SNTG1: variants seen among roughly 807,000 people sequenced by gnomAD.
SNTG1 encodes the protein gamma-1-syntrophin.
Under a neutral mutation model 74.7 loss-of-function variants are expected in SNTG1, and 39 were observed. The observed-to-expected ratio is 0.52, with a 90% CI of 0.40 to 0.68. The LOEUF is 0.68. SNTG1 is among the 30% of genes least tolerant of loss of function. The pLI, the probability that SNTG1 is intolerant of heterozygous loss-of-function variation, is 0.00. For missense variants in SNTG1, 685 were observed against 609.5 expected (o/e 1.12, Z -1.30); for synonymous variants, 254 against 217.1 (o/e 1.17, Z -1.49).
chr8:49,935,532 A>G (rs1808000145), intron 1 of SNTG1, among the ~76,000 whole-genome samples: 1 of 151,576 alleles, frequency 6.6e-6, no homozygotes, highest in African/African-American at 2.4e-5. Context: ...CCAAAAAAAA[A>G]AAAAAAAGAA....
chr8:49,948,231 T>A (rs2129387050), intron 1 of SNTG1, among the ~76,000 whole-genome samples: 1 of 152,346 alleles, frequency 6.6e-6, no homozygotes, highest in East Asian at 1.9e-4. Context: ...CCACAGAGAC[T>A]GATATTTTAA....
intron 2 of SNTG1, among the ~76,000 whole-genome samples, chr8:50,299,775 G>A (rs2089561798): frequency 6.6e-6 from 1 of 151,998 alleles, no homozygotes; most frequent in Non-Finnish European, 1.5e-5. Context: ...CCTATTTCAA[G>A]GGCTCAGTAG....
At chr8:50,398,279 C>A (rs773988807) in intron 3 of SNTG1, among the ~76,000 whole-genome samples, 3 of 152,224 alleles carry the variant, frequency 2.0e-5, no homozygotes, top group African/African-American at 7.2e-5. Context: ...TCTCCCTTAC[C>A]GTCCACCATC....
At chr8:50,020,584 A>G in intron 1 of SNTG1, among the ~76,000 whole-genome samples, 1 of 152,168 alleles carries the variant, frequency 6.6e-6, no homozygotes, top group Admixed American at 6.6e-5. Flanking sequence ...ATTTAGGCAC[A>G]TCATTAATCT....
intron 2 of SNTG1, among the ~76,000 whole-genome samples, chr8:50,294,227 T>C (rs1418741676): frequency 6.6e-6 from 1 of 152,160 alleles, no homozygotes; most frequent in Non-Finnish European, 1.5e-5. Flanking sequence ...CAAGTAAAAA[T>C]GTCAAATAGA....
At chr8:49,917,288 A>T (rs1806133278) in intron 1 of SNTG1, among the ~76,000 whole-genome samples, 1 of 152,164 alleles carries the variant, frequency 6.6e-6, no homozygotes, top group African/African-American at 2.4e-5. Flanking sequence ...GAGAAAATAA[A>T]CAATGTCTAT....
chr8:50,336,968 A>G (rs1016010497), intron 2 of SNTG1, among the ~76,000 whole-genome samples: 4 of 152,210 alleles, frequency 2.6e-5, no homozygotes, highest in Non-Finnish European at 5.9e-5. Flanking sequence ...TTTTATTTCT[A>G]TATATTATGT....
intron 1 of SNTG1, among the ~76,000 whole-genome samples, chr8:50,051,330 G>A (rs1433605182): frequency 2.6e-5 from 4 of 151,180 alleles, no homozygotes; most frequent in African/African-American, 4.9e-5. Flanking sequence ...ATATAAGATC[G>A]AAGTTTAAAT....
chr8:50,191,296 C>T (rs1000244704), intron 2 of SNTG1, among the ~76,000 whole-genome samples: 1 of 152,096 alleles, frequency 6.6e-6, no homozygotes, highest in African/African-American at 2.4e-5. Context: ...GATATTTTAT[C>T]CTTTTTTTGG....
chr8:50,599,751 A>G (rs2094759131), intron 13 of SNTG1, among the ~76,000 whole-genome samples: 1 of 152,196 alleles, frequency 6.6e-6, no homozygotes, highest in African/African-American at 2.4e-5. Context: ...GATTTTTCCA[A>G]ACAAGGATAA....
At chr8:50,312,829 A>G (rs2090167974) in intron 2 of SNTG1, among the ~76,000 whole-genome samples, 1 of 150,180 alleles carries the variant, frequency 6.7e-6, no homozygotes, top group African/African-American at 2.5e-5. Context: ...GGGCTTTAAA[A>G]CATAAATATA....
intron 1 of SNTG1, among the ~76,000 whole-genome samples, chr8:50,011,593 C>T (rs756485132): frequency 4.7e-5 from 7 of 150,168 alleles, no homozygotes; most frequent in South Asian, 4.2e-4. Flanking sequence ...AATTTTTATA[C>T]GTGATTCCAG....
intron 2 of SNTG1, among the ~76,000 whole-genome samples, chr8:50,374,245 A>G (rs968218772): frequency 6.6e-6 from 1 of 152,192 alleles, no homozygotes; most frequent in Non-Finnish European, 1.5e-5. Context: ...TAGCCTTGCT[A>G]ATAGTGTGAT....
chr8:50,350,367 A>G (rs984956699), intron 2 of SNTG1, among the ~76,000 whole-genome samples: 2 of 152,186 alleles, frequency 1.3e-5, no homozygotes, highest in African/African-American at 4.8e-5. Flanking sequence ...CCACTGGGTG[A>G]AGCCAGCTGG....
intron 17 of SNTG1, among the ~76,000 whole-genome samples, chr8:50,725,123 A>T (rs561237303): frequency 1.3e-5 from 2 of 152,188 alleles, no homozygotes; most frequent in Non-Finnish European, 2.9e-5. Context: ...GTTATGCATA[A>T]AGAATGATTT....
intron 1 of SNTG1, among the ~76,000 whole-genome samples, chr8:49,951,539 A>C (rs1186422289): frequency 1.3e-5 from 2 of 150,702 alleles, no homozygotes; most frequent in Admixed American, 1.3e-4. Flanking sequence ...ATTCTCACTC[A>C]TAGGTGGGAA....
At chr8:50,243,850 T>G (rs1301294272) in intron 2 of SNTG1, among the ~76,000 whole-genome samples, 5 of 152,184 alleles carry the variant, frequency 3.3e-5, no homozygotes, top group African/African-American at 4.8e-5. Context: ...AACTGATATA[T>G]TCCCTAATAT....
At chr8:50,239,033 C>T (rs948841030) in intron 2 of SNTG1, among the ~76,000 whole-genome samples, 3 of 152,120 alleles carry the variant, frequency 2.0e-5, no homozygotes, top group African/African-American at 7.2e-5. Flanking sequence ...ACGCTATACA[C>T]AGCTTGTAGG....
chr8:49,912,179 C>CA lies in SNTG1; in HGVS notation c.-151dup, dbSNP rs555934388. The CA allele has an allele frequency of 1.1e-4, 17 of 152,226 alleles. No homozygotes were observed. The South Asian group carries it at 3.1e-3, about 28-fold the overall frequency. The allele number at this position is 152,226 out of a possible 1,614,324, so 9.4% of individuals were successfully genotyped here. On this transcript the variant is annotated 5_prime_UTR_variant, in exon 1 of 19. Transcript: ENST00000642720. Reference sequence around the variant, plus strand: ...TGTGAAAAGAGGGTGGAGAGCTACTCAAAATTCTACGTTAGAGAGACTGAA... The same window carrying CA: ...TGTGAAAAGAGGGTGGAGAGCTACTCAAAAATTCTACGTTAGAGAGACTGAA...
Sources: gnomAD v4.1 joint callset for allele counts (sites outside exome capture counted in the v4.1 genomes callset) on GRCh38, gnomAD v4.1.1 for gene constraint, MANE v1.5 for transcripts, NCBI Gene and HGNC (gene_info 2026-07-23, HGNC 2026-07-21) for gene names.